Variants in GRIK1 observed in about 807,000 individuals in gnomAD.
GRIK1 encodes the protein glutamate ionotropic receptor kainate type subunit 1, also known as glutamate receptor ionotropic, kainate 1.
A neutral mutation model predicts 105.7 loss-of-function variants in GRIK1; 69 were observed. The ratio of observed to expected loss-of-function variants is 0.65; its 90% CI spans 0.54 to 0.80. GRIK1 has a LOEUF of 0.80. GRIK1 is among the 30% of genes least tolerant of loss of function. GRIK1 has a pLI of 0.00. For synonymous variants in GRIK1, 438 were observed against 431.3 expected, an observed-to-expected ratio of 1.02 and a Z score of -0.19; for missense variants, 1,109 against 1,167.3, an observed-to-expected ratio of 0.95 and a Z score of 0.73.
chr21:29,788,389 G>T (rs1352356762), intron 1 of GRIK1, among the ~76,000 whole-genome samples: 1 of 152,184 alleles, frequency 6.6e-6, no homozygotes, highest in African/African-American at 2.4e-5. Flanking sequence ...AAGTCTTTGA[G>T]CAGGAACATA....
chr21:29,894,089 C>T (rs107034), intron 1 of GRIK1, among the ~76,000 whole-genome samples: 133,803 of 152,080 alleles, frequency 0.88, 59,811 homozygotes, highest in Non-Finnish European at 0.96. Context: ...GCTGGGTAGT[C>T]ACAAAGTGGA....
chr21:29,709,325 G>T (rs1192824536), intron 1 of GRIK1, among the ~76,000 whole-genome samples: 1 of 140,224 alleles, frequency 7.1e-6, no homozygotes, highest in East Asian at 2.0e-4. Flanking sequence ...CTGTTGCCCA[G>T]ATTGGAGTGC....
At chr21:29,917,674 A>T (rs1471646804) in intron 1 of GRIK1, among the ~76,000 whole-genome samples, 13 of 151,884 alleles carry the variant, frequency 8.6e-5, no homozygotes, top group African/African-American at 2.7e-4. Context: ...TTCTAACTTG[A>T]CCCCAAAATA....
At chr21:29,598,240 A>G (rs1037193133) in intron 8 of GRIK1, among the ~76,000 whole-genome samples, 2 of 152,244 alleles carry the variant, frequency 1.3e-5, no homozygotes, top group African/African-American at 4.8e-5. Context: ...TAACTAAAGT[A>G]GAACTTTAAA....
chr21:29,695,461 T>TATC lies in GRIK1; in HGVS notation c.119-1401_119-1399dup, dbSNP rs539809361. ...ATATCTATCTATCTATCTATCTATC[T>TATC]ATCTATCTATCTATCTATATATATA... On this transcript the variant is annotated intron_variant, in intron 1 of 17. Transcript: ENST00000327783. Among the ~76,000 whole-genome samples, 960 of 146,764 alleles carry TATC rather than the reference T, an allele frequency of 6.5e-3. 14 individuals are homozygous for TATC. Among genetic ancestry groups the TATC allele is most frequent in the African/African-American group, 0.023 (913 of 40,054 alleles).
At chr21:29,694,905 A>T (rs187812920) in intron 1 of GRIK1, among the ~76,000 whole-genome samples, 31 of 152,336 alleles carry the variant, frequency 2.0e-4, no homozygotes, top group African/African-American at 7.2e-4. Flanking sequence ...GAATTCTGAG[A>T]TCATATTCTA....
chr21:29,934,892 T>A (rs564127743), intron 1 of GRIK1, among the ~76,000 whole-genome samples: 4 of 152,292 alleles, frequency 2.6e-5, no homozygotes, highest in Non-Finnish European at 5.9e-5. Flanking sequence ...AGGGAAAAGA[T>A]CTGCTCATTC....
At chr21:29,906,950 G>A (rs2070661885) in intron 1 of GRIK1, among the ~76,000 whole-genome samples, 1 of 151,542 alleles carries the variant, frequency 6.6e-6, no homozygotes, top group Admixed American at 6.6e-5. Flanking sequence ...ATAAAATTTG[G>A]GGCTTTCGTG....
chr21:29,789,409 A>G (rs1247768082), intron 1 of GRIK1, among the ~76,000 whole-genome samples: 1 of 152,224 alleles, frequency 6.6e-6, no homozygotes, highest in East Asian at 1.9e-4. Context: ...TCTTAGGTTA[A>G]GCAAGTATTG....
At chr21:29,838,471 G>T (rs1313351953) in intron 1 of GRIK1, among the ~76,000 whole-genome samples, 1 of 152,146 alleles carries the variant, frequency 6.6e-6, no homozygotes, top group Non-Finnish European at 1.5e-5. Flanking sequence ...AATCCATGAT[G>T]GATTAAGAAG....
chr21:29,839,436 A>G (rs2067913039), intron 1 of GRIK1, among the ~76,000 whole-genome samples: 1 of 152,216 alleles, frequency 6.6e-6, no homozygotes, highest in Admixed American at 6.5e-5. Flanking sequence ...ACATGGAATG[A>G]AAGAATTAGA....
chr21:29,711,186 A>G (rs775099227), intron 1 of GRIK1, among the ~76,000 whole-genome samples: 6 of 152,134 alleles, frequency 3.9e-5, no homozygotes, highest in Non-Finnish European at 8.8e-5. Flanking sequence ...ACATCATATA[A>G]CGATTATTTT....
intron 1 of GRIK1, among the ~76,000 whole-genome samples, chr21:29,770,492 A>T (rs2065787492): frequency 6.6e-6 from 1 of 152,188 alleles, no homozygotes; most frequent in Non-Finnish European, 1.5e-5. Context: ...TAAAACATGC[A>T]CATGTAGCCA....
intron 6 of GRIK1, among the ~76,000 whole-genome samples, chr21:29,644,175 G>T (rs913614791): frequency 6.6e-6 from 1 of 151,608 alleles, no homozygotes; most frequent in Non-Finnish European, 1.5e-5. Context: ...TGAGGACAGG[G>T]GTTACTATAT....
intron 4 of GRIK1, among the ~76,000 whole-genome samples, chr21:29,665,416 A>G (rs1012609934): frequency 6.6e-6 from 1 of 152,248 alleles, no homozygotes; most frequent in Admixed American, 6.5e-5. Context: ...CAAAGTAATT[A>G]TATAACATAC....
At chr21:29,611,314 G>A (rs1468621295) in intron 7 of GRIK1, among the ~76,000 whole-genome samples, 2 of 151,554 alleles carry the variant, frequency 1.3e-5, no homozygotes, top group Non-Finnish European at 2.9e-5. Flanking sequence ...CAAAGGTTAT[G>A]GTTTTATTGC....
At chr21:29,802,467 CA>C (rs1250011639) in intron 1 of GRIK1, among the ~76,000 whole-genome samples, 7 of 151,650 alleles carry the variant, frequency 4.6e-5, no homozygotes, top group Non-Finnish European at 2.9e-5. Flanking sequence ...AACTTATTTT[CA>C]AAAAAAATAT....
chr21:29,848,663 A>G (rs1318618399), intron 1 of GRIK1, among the ~76,000 whole-genome samples: 1 of 151,180 alleles, frequency 6.6e-6, no homozygotes, highest in Admixed American at 6.6e-5. Flanking sequence ...TATCATCTAC[A>G]AGGCTCTATA....
intron 1 of GRIK1, among the ~76,000 whole-genome samples, chr21:29,876,310 G>A (rs1038710965): frequency 6.6e-6 from 1 of 152,022 alleles, no homozygotes; most frequent in Non-Finnish European, 1.5e-5. Context: ...CATGCACTGA[G>A]TAATCAGTAG....
Sources: gnomAD v4.1 joint callset for allele counts (sites outside exome capture counted in the v4.1 genomes callset) on GRCh38, gnomAD v4.1.1 for gene constraint, MANE v1.5 for transcripts, NCBI Gene and HGNC (gene_info 2026-07-23, HGNC 2026-07-21) for gene names.